Variants in SDK1 observed in about 807,000 individuals in gnomAD.
SDK1 encodes sidekick cell adhesion molecule 1, also known as protein sidekick-1.
A neutral mutation model predicts 245.5 loss-of-function variants in SDK1; 157 were observed. The observed-to-expected ratio is 0.64, with a 90% confidence interval of 0.56 to 0.73. The LOEUF (loss-of-function observed/expected upper bound fraction) is 0.73. SDK1 is among the 30% of genes least tolerant of loss of function. The pLI is 0.00. For missense variants in SDK1, 3,583 were observed against 3,002.3 expected (o/e 1.19, Z -4.52); for synonymous variants, 1,647 against 1,278.5 (o/e 1.29, Z -6.15).
intron 5 of SDK1, among the ~76,000 whole-genome samples, chr7:3,949,535 C>T (rs1373992091): frequency 6.6e-6 from 1 of 152,224 alleles, no homozygotes; most frequent in South Asian, 2.1e-4. Flanking sequence ...GTCCCTTCAG[C>T]GTGAAGCCCA....
intron 4 of SDK1, among the ~76,000 whole-genome samples, chr7:3,674,449 G>C (rs991815865): frequency 2.6e-5 from 4 of 152,130 alleles, no homozygotes; most frequent in African/African-American, 9.7e-5. Flanking sequence ...ACATTTAGAG[G>C]AGAGGGTGAC....
intron 28 of SDK1, 125 bp downstream of exon 28, chr7:4,132,548 C>T (rs977785258): frequency 1.6e-6 from 1 of 632,126 alleles, no homozygotes; most frequent in African/African-American, 1.8e-5. Context: ...ATTGTGAGAC[C>T]CCATCTCTCC....
At chr7:3,916,018 T>G (rs918106035) in intron 5 of SDK1, among the ~76,000 whole-genome samples, 3 of 152,210 alleles carry the variant, frequency 2.0e-5, no homozygotes, top group African/African-American at 7.2e-5. Flanking sequence ...GAAGTTTATT[T>G]TGTCAAGGTT....
chr7:4,210,117 C>G lies in SDK1; in HGVS notation c.5494C>G (p.Leu1832Val). The stretch of plus-strand genomic sequence containing the variant: ...CGAGCCTGCGGCGGCCAACGGCATC[C>G]TGCAGGGCTATCGGGTGGTGTACGA... Reference protein sequence around the residue: ...WGEPAAANGILQGYRVVYEPL... With the variant: ...WGEPAAANGIVQGYRVVYEPL... Residue 1832 changes from leucine (L) to valine (V), a missense_variant, in exon 38 of 45, where the codon CTG becomes GTG. By Grantham distance (32) the Leu-to-Val change is conservative. Coordinates refer to ENST00000404826, the MANE Select transcript of SDK1 (RefSeq NM_152744.4). 6.2e-7 allele frequency: 1 copy of G among 1,609,302 alleles called. No homozygotes were observed. The highest frequency in any genetic ancestry group is 8.5e-7 in the Non-Finnish European group (1 of 1,178,118).
At chr7:3,876,913 G>A (rs1416456476) in intron 5 of SDK1, among the ~76,000 whole-genome samples, 1 of 152,120 alleles carries the variant, frequency 6.6e-6, no homozygotes, top group African/African-American at 2.4e-5. Context: ...ATTTTAATAG[G>A]GATTTTCTTT....
chr7:4,178,367 A>C (rs1009588239), intron 34 of SDK1, 118 bp from the exon 35 acceptor site: 29 of 761,296 alleles, frequency 3.8e-5, no homozygotes, highest in Non-Finnish European at 6.7e-5. Flanking sequence ...ATTTCTAACA[A>C]TCCCGCCTCC....
chr7:3,502,611 T>A (rs949737884), intron 1 of SDK1, among the ~76,000 whole-genome samples: 2 of 152,382 alleles, frequency 1.3e-5, no homozygotes, highest in South Asian at 2.1e-4. Flanking sequence ...ATACAAAATT[T>A]GGATTTACAT....
At chr7:4,055,134 C>T (rs1779117056) in intron 19 of SDK1, among the ~76,000 whole-genome samples, 2 of 152,130 alleles carry the variant, frequency 1.3e-5, no homozygotes, top group African/African-American at 4.8e-5. Context: ...GAAGTATTCC[C>T]ACTTCTATGT....
chr7:3,951,548 G>A (rs766038909), intron 6 of SDK1, among the ~76,000 whole-genome samples, 182 bp from the exon 7 acceptor site: 6 of 152,174 alleles, frequency 3.9e-5, no homozygotes, highest in African/African-American at 7.2e-5. Context: ...AGAATGCATC[G>A]TCAATGCGTG....
At chr7:3,940,854 C>T (rs1780340300) in intron 5 of SDK1, among the ~76,000 whole-genome samples, 1 of 151,928 alleles carries the variant, frequency 6.6e-6, no homozygotes, top group Non-Finnish European at 1.5e-5. Flanking sequence ...GGTCAGTGCT[C>T]CCTGGCTTCT....
chr7:3,966,258 CAT>C (rs1038555321), intron 9 of SDK1, among the ~76,000 whole-genome samples: 2 of 152,112 alleles, frequency 1.3e-5, no homozygotes, highest in Non-Finnish European at 2.9e-5. Context: ...TGCCATGGTC[CAT>C]GGGATTCTCA....
At chr7:3,346,210 G>A (rs1006813188) in intron 1 of SDK1, among the ~76,000 whole-genome samples, 3 of 152,120 alleles carry the variant, frequency 2.0e-5, no homozygotes, top group African/African-American at 7.2e-5. Flanking sequence ...AAAGCTGATT[G>A]TGCCCTGCAT....
At chr7:3,373,672 C>T (rs1781284284) in intron 1 of SDK1, among the ~76,000 whole-genome samples, 1 of 150,850 alleles carries the variant, frequency 6.6e-6, no homozygotes. Flanking sequence ...TTACTTGGCA[C>T]TAAAAAGTAA....
chr7:3,323,558 G>A (rs1779870229), intron 1 of SDK1, among the ~76,000 whole-genome samples: 1 of 152,188 alleles, frequency 6.6e-6, no homozygotes, highest in Admixed American at 6.5e-5. Context: ...GCAGTCAGCT[G>A]GGGCCACACA....
At chr7:3,309,085 A>G (rs945342878) in intron 1 of SDK1, among the ~76,000 whole-genome samples, 1 of 152,162 alleles carries the variant, frequency 6.6e-6, no homozygotes, top group Admixed American at 6.5e-5. Context: ...TATCATACTT[A>G]ACTAAGGGTG....
chr7:3,706,119 C>T (rs962417495), intron 4 of SDK1, among the ~76,000 whole-genome samples: 1 of 152,162 alleles, frequency 6.6e-6, no homozygotes, highest in Non-Finnish European at 1.5e-5. Context: ...ATGAAACCCA[C>T]TTGAGCATGG....
intron 1 of SDK1, among the ~76,000 whole-genome samples, chr7:3,389,640 CTGTAGT>C (rs1781696512): frequency 2.0e-5 from 3 of 152,188 alleles, no homozygotes; most frequent in Admixed American, 6.5e-5. Flanking sequence ...TGGCTCAAGT[CTGTAGT>C]CCAAGCTACT....
At chr7:3,689,994 T>C (rs1784400823) in intron 4 of SDK1, among the ~76,000 whole-genome samples, 1 of 152,248 alleles carries the variant, frequency 6.6e-6, no homozygotes, top group Non-Finnish European at 1.5e-5. Flanking sequence ...ATTTGAGTTG[T>C]TAAGCTACAA....
intron 17 of SDK1, among the ~76,000 whole-genome samples, chr7:4,044,959 C>T (rs1037391290): frequency 1.3e-5 from 2 of 152,176 alleles, no homozygotes; most frequent in African/African-American, 4.8e-5. Flanking sequence ...ACTTGGCAAG[C>T]ACTGCTGTTT....
Sources: gnomAD v4.1 joint callset for allele counts (sites outside exome capture counted in the v4.1 genomes callset) on GRCh38, gnomAD v4.1.1 for gene constraint, MANE v1.5 for transcripts, NCBI Gene and HGNC (gene_info 2026-07-23, HGNC 2026-07-21) for gene names.